SLC5A1: variants seen among roughly 807,000 people sequenced by gnomAD.
SLC5A1 encodes solute carrier family 5 member 1.
Under a neutral mutation model 73.5 loss-of-function variants are expected in SLC5A1, and 42 were observed. That is an observed-to-expected ratio of 0.57 (90% CI 0.45 to 0.74). The LOEUF is 0.74. Ranked by LOEUF, SLC5A1 falls within the 30% of genes least tolerant of loss-of-function variation. The pLI is 0.00. For synonymous variants in SLC5A1, 300 were observed against 317.4 expected (o/e 0.95, Z 0.58); for missense variants, 634 against 855.4 (o/e 0.74, Z 3.23).
rs986564749 is a variant in SLC5A1, at chr22:32,090,110, A to C, written c.1130-1502A>C. Among the ~76,000 whole-genome samples the C allele has an allele frequency of 1.4e-4, 21 of 152,064 alleles. 1 individual carries two copies. Among genetic ancestry groups the C allele is most frequent in the Middle Eastern group, 3.4e-3 (1 of 294 alleles). The stretch of plus-strand genomic sequence containing the variant: ...TACAGCCTTGTCTTTCAAAAAAAAA[A>C]AAAAAAACAAAAAAACTTAATTGAG... On this transcript the variant is annotated intron_variant, in intron 10 of 14. Transcript: ENST00000266088.
intron 5 of SLC5A1, among the ~76,000 whole-genome samples, chr22:32,078,672 T>G (rs2093994679): frequency 6.6e-6 from 1 of 152,146 alleles, no homozygotes; most frequent in South Asian, 2.1e-4. Context: ...AAGACCTTGC[T>G]GGCTGAGCAT....
chr22:32,050,706 G>T (rs974183127), intron 2 of SLC5A1, among the ~76,000 whole-genome samples: 1 of 152,200 alleles, frequency 6.6e-6, no homozygotes, highest in African/African-American at 2.4e-5. Context: ...AACAGTTTGT[G>T]TGTTGGCTTG....
At chr22:32,083,988 G>C (rs2094003983) in intron 7 of SLC5A1, among the ~76,000 whole-genome samples, 1 of 152,202 alleles carries the variant, frequency 6.6e-6, no homozygotes, top group African/African-American at 2.4e-5. Flanking sequence ...CTGGGTCCAG[G>C]AGTGGTAGGT....
At chr22:32,074,330 G>A (rs1212722926) in intron 5 of SLC5A1, among the ~76,000 whole-genome samples, 1 of 152,132 alleles carries the variant, frequency 6.6e-6, no homozygotes, top group East Asian at 1.9e-4. Flanking sequence ...TTGGACTTGG[G>A]AGCCCCCAGG....
intron 2 of SLC5A1, among the ~76,000 whole-genome samples, chr22:32,065,451 G>T (rs760029515): frequency 5.9e-5 from 9 of 152,098 alleles, no homozygotes; most frequent in Admixed American, 1.3e-4. Flanking sequence ...TAATATTAGA[G>T]AAAGTCCATA....
At chr22:32,060,696 A>G (rs948717903) in intron 2 of SLC5A1, among the ~76,000 whole-genome samples, 2 of 152,116 alleles carry the variant, frequency 1.3e-5, no homozygotes, top group Non-Finnish European at 2.9e-5. Context: ...CAGCCTTCCA[A>G]GTAGCTAGGA....
Position 32,065,371 on chromosome 22 carries a change from G to A in SLC5A1, c.208-1564G>A, listed in dbSNP as rs76363412. Reference sequence around the variant, plus strand: ...GCTTAGGTGGAATGCTATTCCTGTGGTCTCTGAATGATTAACTTTTTTGTC... The same window carrying A: ...GCTTAGGTGGAATGCTATTCCTGTGATCTCTGAATGATTAACTTTTTTGTC... On this transcript the variant is annotated intron_variant, in intron 2 of 14. Transcript: ENST00000266088. 8.1e-3 allele frequency among the ~76,000 whole-genome samples: 1,234 copies of A among 152,174 alleles called. 16 individuals are homozygous for A. The highest frequency in any genetic ancestry group is 0.028 in the African/African-American group (1,165 of 41,514).
At chr22:32,046,063 CT>C (rs1178410027) in intron 1 of SLC5A1, among the ~76,000 whole-genome samples, 2 of 152,214 alleles carry the variant, frequency 1.3e-5, no homozygotes, top group Non-Finnish European at 2.9e-5. Context: ...TTACTGACCC[CT>C]GTCTTATGCA....
In SLC5A1 at chr22:32,084,531, G is replaced by T. The variant is rs2094004883; in HGVS notation, c.757G>T (p.Glu253Ter). The T allele has an allele frequency of 2.5e-6, 4 of 1,614,208 alleles. No homozygotes were observed. Among genetic ancestry groups the T allele is most frequent in the Non-Finnish European group, 3.4e-6 (4 of 1,180,030 alleles). Residue 253 changes from glutamate (E) to a stop codon, truncating the protein, a stop_gained, in exon 8 of 15, where the codon GAA becomes TAA. Transcript: ENST00000266088. LOFTEE classifies it high-confidence loss of function. The stretch of plus-strand genomic sequence containing the variant: ...GTCTGATGGCAACACCACCTTTCAG[G>T]AAAAATGCTACACTCCAAGGGCCGA... ...IVSDGNTTFQ[E>*]KCYTPRADSF...
chr22:32,081,648 G>T (rs1263567952), intron 5 of SLC5A1, among the ~76,000 whole-genome samples: 2 of 152,210 alleles, frequency 1.3e-5, no homozygotes, highest in African/African-American at 4.8e-5. Flanking sequence ...ACTGTACATG[G>T]CATATATTAA....
At chr22:32,088,607 G>A (rs939823027) in intron 10 of SLC5A1, among the ~76,000 whole-genome samples, 2 of 152,102 alleles carry the variant, frequency 1.3e-5, no homozygotes, top group Admixed American at 6.6e-5. Context: ...CCAAAGTGCT[G>A]GGATTACAGG....
At chr22:32,069,019 C>T (rs2093978660) in intron 5 of SLC5A1, among the ~76,000 whole-genome samples, 1 of 152,112 alleles carries the variant, frequency 6.6e-6, no homozygotes, top group African/African-American at 2.4e-5. Context: ...ATATAAGTCC[C>T]ATTAACGGAT....
intron 1 of SLC5A1, among the ~76,000 whole-genome samples, chr22:32,044,517 T>C (rs1483140928): frequency 7.6e-6 from 1 of 131,136 alleles, no homozygotes; most frequent in East Asian, 2.0e-4. Context: ...AAGGAAGTGT[T>C]TTTTTTTTTT....
intron 2 of SLC5A1, among the ~76,000 whole-genome samples, chr22:32,059,854 C>A (rs1026842598): frequency 1.3e-5 from 2 of 152,006 alleles, no homozygotes; most frequent in Non-Finnish European, 2.9e-5. Context: ...AACTTTGCTG[C>A]GGCCTGATGG....
intron 11 of SLC5A1, among the ~76,000 whole-genome samples, chr22:32,093,647 T>A (rs2094021778): frequency 6.6e-6 from 1 of 152,090 alleles, no homozygotes; most frequent in South Asian, 2.1e-4. Flanking sequence ...CTCAGCTTGG[T>A]CACTGTTGAT....
chr22:32,077,625 T>C (rs761242065), intron 5 of SLC5A1, among the ~76,000 whole-genome samples: 9 of 152,184 alleles, frequency 5.9e-5, no homozygotes, highest in African/African-American at 9.7e-5. Context: ...AGAAAGAATA[T>C]AGCAAACACC....
chr22:32,094,436 T>C (rs1249228581), intron 11 of SLC5A1, among the ~76,000 whole-genome samples: 3 of 152,220 alleles, frequency 2.0e-5, no homozygotes, highest in Admixed American at 2.0e-4. Flanking sequence ...TCTTTGAATG[T>C]CTGGTAGAAT....
chr22:32,064,493 C>T (rs74322240), intron 2 of SLC5A1, among the ~76,000 whole-genome samples: 6,525 of 146,840 alleles, frequency 0.044, 215 homozygotes, highest in Non-Finnish European at 0.064. Context: ...AAAACCCTGT[C>T]TTAGGAAAAA....
chr22:32,110,403 G>T lies in SLC5A1; in HGVS notation c.*190G>T, dbSNP rs961428517. ...CTGTTAATTTATGCATTTGAAGCCA[G>T]TGTGATACAGCCATCTGTACCTACT... On this transcript the variant is annotated 3_prime_UTR_variant, in exon 15 of 15. Transcript: ENST00000266088. 6 of 643,290 alleles carry T rather than the reference G, an allele frequency of 9.3e-6. No homozygotes were observed. The highest frequency in any genetic ancestry group is 1.1e-5 in the Non-Finnish European group (4 of 353,250). 39.8% of individuals were successfully genotyped at this position (643,290 alleles called of 1,614,324 possible). A position where few individuals can be genotyped will look rare whatever the true frequency, so the allele number is the denominator to read the frequency against.
Sources: gnomAD v4.1 joint callset for allele counts (sites outside exome capture counted in the v4.1 genomes callset) on GRCh38, gnomAD v4.1.1 for gene constraint, MANE v1.5 for transcripts, NCBI Gene and HGNC (gene_info 2026-07-23, HGNC 2026-07-21) for gene names.